The following SLC4A7 variants were observed in gnomAD, a reference collection of about 807,000 sequenced individuals.
SLC4A7 encodes the protein solute carrier family 4 member 7, also known as sodium bicarbonate cotransporter 3.
In SLC4A7, 51 loss-of-function variants were observed where a neutral mutation model predicts 137.6. The observed-to-expected ratio is 0.37, with a 90% confidence interval of 0.30 to 0.47. The LOEUF (loss-of-function observed/expected upper bound fraction) is 0.47. SLC4A7 is among the 20% of genes least tolerant of loss of function. The pLI, the probability that SLC4A7 is intolerant of heterozygous loss-of-function variation, is 1.00. For synonymous variants in SLC4A7, 542 were observed against 518.6 expected (o/e 1.05, Z -0.61); for missense variants, 1,247 against 1,525.4 (o/e 0.82, Z 3.04).
intron 2 of SLC4A7, among the ~76,000 whole-genome samples, chr3:27,450,572 G>C (rs529243721): frequency 6.6e-6 from 1 of 152,052 alleles, no homozygotes; most frequent in East Asian, 1.9e-4. Flanking sequence ...GAATTACAAA[G>C]TTGTTCCTCC....
rs752345283 is a variant in SLC4A7, at chr3:27,431,600, C to T, written c.848G>A (p.Gly283Glu). ...AAGAAGAAGAGATAAAGGTGATTCTCCTCTCAAGGAAAGGTTTGAGGCAGA... is the reference window on the plus strand; with the variant it reads ...AAGAAGAAGAGATAAAGGTGATTCTTCTCTCAAGGAAAGGTTTGAGGCAGA... Reference protein sequence around the residue: ...GLSASNLSLRGESPLSLLLGH... With the variant: ...GLSASNLSLREESPLSLLLGH... Residue 283 changes from glycine (G) to glutamate (E), a missense_variant, in exon 7 of 26, where the codon GGA (glycine) becomes GAA (glutamate). Coordinates refer to ENST00000454389, the MANE Select transcript of SLC4A7 (RefSeq NM_001321103.2). The T allele has an allele frequency of 3.1e-6, 5 of 1,613,748 alleles. No homozygotes were observed. In the Admixed American group the frequency reaches 6.7e-5, roughly 22 times the overall value.
At chr3:27,398,701 G>A (rs2052453108) in intron 16 of SLC4A7, among the ~76,000 whole-genome samples, 1 of 151,918 alleles carries the variant, frequency 6.6e-6, no homozygotes, top group African/African-American at 2.4e-5. Context: ...CTGCATTCTT[G>A]CTTGTCCACA....
chr3:27,441,900 CT>C (rs527582749), intron 3 of SLC4A7, among the ~76,000 whole-genome samples: 181 of 144,060 alleles, frequency 1.3e-3, no homozygotes, highest in Middle Eastern at 3.6e-3. Flanking sequence ...ATTAGTTTGA[CT>C]TTTTTTTTTT....
chr3:27,428,417 T>C (rs2055885064), intron 7 of SLC4A7: 1 of 154,334 alleles, frequency 6.5e-6, no homozygotes, highest in Non-Finnish European at 1.5e-5. Flanking sequence ...GAACAAACTA[T>C]AAAACAATGG....
chr3:27,453,157 G>A (rs1356772163), intron 1 of SLC4A7, among the ~76,000 whole-genome samples: 1 of 152,120 alleles, frequency 6.6e-6, no homozygotes, highest in Non-Finnish European at 1.5e-5. Context: ...AGAAAATGTT[G>A]TATAGGCTAT....
intron 1 of SLC4A7, among the ~76,000 whole-genome samples, chr3:27,454,337 G>T (rs146506746): frequency 7.8e-4 from 119 of 152,152 alleles, no homozygotes; most frequent in African/African-American, 2.7e-3. Context: ...GTGGTAGCGG[G>T]CGCCTGTAAT....
At chr3:27,420,840 G>A in intron 9 of SLC4A7, 53 bp from the exon 10 acceptor site, 1 of 1,181,974 alleles carries the variant, frequency 8.5e-7, no homozygotes, top group Non-Finnish European at 1.2e-6. Flanking sequence ...CACCCACAAA[G>A]CTAGGCAATC....
At chr3:27,444,661 T>A (rs1473051806) in intron 3 of SLC4A7, among the ~76,000 whole-genome samples, 1 of 152,212 alleles carries the variant, frequency 6.6e-6, no homozygotes, top group Non-Finnish European at 1.5e-5. Context: ...CATTTGGGGC[T>A]TCCTCCTATT....
At chr3:27,426,578 G>C (rs560336407) in intron 7 of SLC4A7, among the ~76,000 whole-genome samples, 1 of 152,028 alleles carries the variant, frequency 6.6e-6, no homozygotes, top group Non-Finnish European at 1.5e-5. Context: ...CCAGATATGA[G>C]GGAAAAAAGT....
chr3:27,470,354 A>G (rs1271633473), intron 1 of SLC4A7, among the ~76,000 whole-genome samples: 1 of 152,098 alleles, frequency 6.6e-6, no homozygotes, highest in Non-Finnish European at 1.5e-5. Flanking sequence ...ACATGGAACA[A>G]GTAAGCTACT....
At chr3:27,462,321 A>G (rs554790937) in intron 1 of SLC4A7, among the ~76,000 whole-genome samples, 4 of 152,144 alleles carry the variant, frequency 2.6e-5, no homozygotes, top group South Asian at 4.1e-4. Context: ...AAAACCAACA[A>G]AATATAAAGT....
intron 3 of SLC4A7, among the ~76,000 whole-genome samples, chr3:27,446,896 T>G (rs569958500): frequency 0.17 from 18,064 of 106,018 alleles, 1,371 homozygotes; most frequent in Middle Eastern, 0.27. Context: ...TTTTTTTTGT[T>G]TTTTTTAAAC....
chr3:27,456,877 C>T (rs2058442829), intron 1 of SLC4A7: 1 of 1,377,388 alleles, frequency 7.3e-7, no homozygotes, highest in African/African-American at 1.5e-5. Context: ...ACAACTTACA[C>T]AGGGTCACAG....
At chr3:27,444,688 A>C (rs1228560130) in intron 3 of SLC4A7, among the ~76,000 whole-genome samples, 1 of 152,124 alleles carries the variant, frequency 6.6e-6, no homozygotes, top group Non-Finnish European at 1.5e-5. Context: ...AGCTCTCTTT[A>C]ACAGTCATAT....
chr3:27,407,285 G>C (rs1428787376), intron 13 of SLC4A7, among the ~76,000 whole-genome samples: 1 of 151,750 alleles, frequency 6.6e-6, no homozygotes, highest in Non-Finnish European at 1.5e-5. Context: ...ATCGAGACCA[G>C]CCTGACCAAC....
intron 20 of SLC4A7, among the ~76,000 whole-genome samples, chr3:27,393,354 C>G (rs2051788604): frequency 6.6e-6 from 1 of 152,040 alleles, no homozygotes; most frequent in Admixed American, 6.6e-5. Flanking sequence ...ACTTTAAGAT[C>G]CAAAAGAAAA....
intron 3 of SLC4A7, among the ~76,000 whole-genome samples, chr3:27,448,249 A>G (rs1468601574): frequency 6.6e-6 from 1 of 151,656 alleles, no homozygotes; most frequent in Non-Finnish European, 1.5e-5. Flanking sequence ...AAGGAAAAAA[A>G]CTTTAATCAC....
intron 22 of SLC4A7, among the ~76,000 whole-genome samples, chr3:27,389,419 A>G (rs2150069534): frequency 6.6e-6 from 1 of 152,256 alleles, no homozygotes; most frequent in East Asian, 1.9e-4. Context: ...CTCTGTGGCC[A>G]TGTACAAAAC....
chr3:27,414,119 A>G (rs1390548626), intron 11 of SLC4A7, among the ~76,000 whole-genome samples: 4 of 152,116 alleles, frequency 2.6e-5, no homozygotes, highest in Non-Finnish European at 5.9e-5. Flanking sequence ...ATCTCTATTA[A>G]AAATACAAAA....
Sources: gnomAD v4.1 joint callset for allele counts (sites outside exome capture counted in the v4.1 genomes callset) on GRCh38, gnomAD v4.1.1 for gene constraint, MANE v1.5 for transcripts, NCBI Gene and HGNC (gene_info 2026-07-23, HGNC 2026-07-21) for gene names.